The following KIF16B variants were observed in gnomAD, a reference collection of about 807,000 sequenced individuals.
KIF16B encodes the protein kinesin-like protein KIF16B.
In KIF16B, 98 loss-of-function variants were observed where a neutral mutation model predicts 156.3. That is an observed-to-expected ratio of 0.63 (90% CI 0.53 to 0.74). The LOEUF is 0.74. Ranked by LOEUF, KIF16B falls within the 30% of genes least tolerant of loss-of-function variation. The pLI, the probability that KIF16B is intolerant of heterozygous loss-of-function variation, is 0.00. For missense variants in KIF16B, 1,421 were observed against 1,606.5 expected, an observed-to-expected ratio of 0.88 and a Z score of 1.97; for synonymous variants, 564 against 583.7, an observed-to-expected ratio of 0.97 and a Z score of 0.49.
intron 1 of KIF16B, among the ~76,000 whole-genome samples, chr20:16,545,452 G>A (rs1242870638): frequency 6.6e-6 from 1 of 151,538 alleles, no homozygotes; most frequent in Non-Finnish European, 1.5e-5. Context: ...ATCACTTGAG[G>A]TCAGGAGCTT....
chr20:16,538,472 G>A (rs978404915), intron 1 of KIF16B, among the ~76,000 whole-genome samples: 9 of 152,108 alleles, frequency 5.9e-5, no homozygotes, highest in African/African-American at 4.8e-5. Flanking sequence ...TTTCTCAACC[G>A]AAAAGCCAAT....
intron 12 of KIF16B, among the ~76,000 whole-genome samples, chr20:16,431,285 C>T (rs2146450178): frequency 6.6e-6 from 1 of 152,304 alleles, no homozygotes; most frequent in East Asian, 1.9e-4. Context: ...CACTCTTCTG[C>T]TCAGGTCCTT....
intron 12 of KIF16B, among the ~76,000 whole-genome samples, chr20:16,430,720 T>G (rs1256830558): frequency 6.6e-6 from 1 of 152,048 alleles, no homozygotes; most frequent in Non-Finnish European, 1.5e-5. Flanking sequence ...GATGGTCTCC[T>G]TCTGTCTCTT....
chr20:16,282,566 C>T (rs905159036), intron 25 of KIF16B, among the ~76,000 whole-genome samples: 14 of 151,940 alleles, frequency 9.2e-5, no homozygotes, highest in African/African-American at 3.1e-4. Context: ...CAGGTGAAGA[C>T]ATTGGAGAAA....
At chr20:16,556,970 T>C (rs12479533) in intron 1 of KIF16B, among the ~76,000 whole-genome samples, 28,199 of 151,988 alleles carry the variant, frequency 0.19, 2,690 homozygotes, top group South Asian at 0.22. Flanking sequence ...ACTAGCCACA[T>C]GTGGCTACTG....
At chr20:16,433,200 T>C (rs6043941) in intron 12 of KIF16B, among the ~76,000 whole-genome samples, 3,931 of 152,262 alleles carry the variant, frequency 0.026, 180 homozygotes, top group African/African-American at 0.09. Flanking sequence ...GAAGGTTTGG[T>C]AGCTCTGAAC....
chr20:16,296,933 C>A (rs552751302), intron 25 of KIF16B, among the ~76,000 whole-genome samples: 1 of 152,184 alleles, frequency 6.6e-6, no homozygotes, highest in Non-Finnish European at 1.5e-5. Flanking sequence ...CAGGTGAAGG[C>A]CTGAACAGAA....
rs371749764 is a variant in KIF16B at position 16,550,794 on chromosome 20, G to A, written c.48-22354C>T. 7.9e-5 allele frequency among the ~76,000 whole-genome samples: 12 copies of A among 152,128 alleles called. No individual in the cohort carries two copies. In the South Asian group the frequency reaches 2.5e-3, roughly 32 times the overall value. On this transcript the variant is annotated intron_variant, in intron 1 of 25. Coordinates refer to ENST00000354981, the MANE Select transcript of KIF16B (RefSeq NM_024704.5). The stretch of plus-strand genomic sequence containing the variant: ...AAGTGATCCACCATGACCTCCCAAA[G>A]TCCTGGGATTACAGGCATGAGCCAC...
At chr20:16,444,693 T>C (rs185419460) in intron 12 of KIF16B, among the ~76,000 whole-genome samples, 14 of 152,346 alleles carry the variant, frequency 9.2e-5, no homozygotes, top group Admixed American at 5.9e-4. Context: ...TTCCATTTTT[T>C]TGTATCTACT....
chr20:16,278,581 G>T (rs1396447967), intron 25 of KIF16B, among the ~76,000 whole-genome samples: 1 of 152,088 alleles, frequency 6.6e-6, no homozygotes, highest in Non-Finnish European at 1.5e-5. Context: ...AGTGAGCAGG[G>T]GTTACAGGTA....
intron 1 of KIF16B, among the ~76,000 whole-genome samples, chr20:16,565,890 T>C (rs1023641933): frequency 2.0e-5 from 3 of 152,232 alleles, no homozygotes; most frequent in African/African-American, 7.2e-5. Flanking sequence ...TCCCCACTTC[T>C]CTATGTCCTG....
chr20:16,312,312 G>GA, intron 25 of KIF16B, 23 bp downstream of exon 25: 1 of 1,568,566 alleles, frequency 6.4e-7, no homozygotes, highest in South Asian at 1.1e-5. Context: ...ATACACAGAG[G>GA]AAAAACAGCT....
chr20:16,285,319 C>T (rs1428420715), intron 25 of KIF16B, among the ~76,000 whole-genome samples: 1 of 152,094 alleles, frequency 6.6e-6, no homozygotes, highest in Non-Finnish European at 1.5e-5. Flanking sequence ...ACTGAAAATG[C>T]CATACACACA....
chr20:16,499,634 T>C (rs545681855), intron 10 of KIF16B, among the ~76,000 whole-genome samples: 6 of 152,314 alleles, frequency 3.9e-5, no homozygotes, highest in African/African-American at 7.2e-5. Flanking sequence ...TCAAAACAAA[T>C]AGAAAGCCCT....
At chr20:16,337,271 G>A (rs572099546) in intron 23 of KIF16B, among the ~76,000 whole-genome samples, 2 of 152,174 alleles carry the variant, frequency 1.3e-5, no homozygotes, top group South Asian at 4.2e-4. Context: ...TGATTCTCCC[G>A]CAGGTAAATC....
At chr20:16,322,693 T>A (rs1248257348) in intron 24 of KIF16B, among the ~76,000 whole-genome samples, 3 of 152,008 alleles carry the variant, frequency 2.0e-5, no homozygotes, top group African/African-American at 7.2e-5. Flanking sequence ...TTCTAAGAGT[T>A]ATCAGGCTCA....
chr20:16,300,420 A>T (rs2063455006), intron 25 of KIF16B, among the ~76,000 whole-genome samples: 1 of 152,198 alleles, frequency 6.6e-6, no homozygotes, highest in Non-Finnish European at 1.5e-5. Flanking sequence ...CTCTCAAGAA[A>T]AAATGATTAA....
chr20:16,387,394 T>C (rs2065254573), intron 17 of KIF16B, among the ~76,000 whole-genome samples: 1 of 152,080 alleles, frequency 6.6e-6, no homozygotes, highest in Admixed American at 6.5e-5. Context: ...CTAGAATCAA[T>C]GAGACTCACA....
At position 16,282,883 on chromosome 20, in the gene KIF16B, C is replaced by A. The variant is rs527541425; in HGVS notation, c.3796-9472G>T. ...GTCTCTTCCAGCTGCCATACACAATCGTTGGTCAAATGATGCTTATGATGC... is the reference window on the plus strand; with the variant it reads ...GTCTCTTCCAGCTGCCATACACAATAGTTGGTCAAATGATGCTTATGATGC... On this transcript the variant is annotated intron_variant, in intron 25 of 25. Coordinates refer to ENST00000354981, the MANE Select transcript of KIF16B (RefSeq NM_024704.5). Among the ~76,000 whole-genome samples, 4 of 152,292 alleles carry A rather than the reference C, an allele frequency of 2.6e-5. No homozygotes were observed. In the South Asian group the frequency reaches 8.3e-4, roughly 32 times the overall value.
Sources: allele counts gnomAD v4.1 joint callset (sites outside exome capture counted in the v4.1 genomes callset), GRCh38; gene constraint gnomAD v4.1.1; transcripts MANE v1.5; gene names NCBI Gene and HGNC (gene_info 2026-07-23, HGNC 2026-07-21).